TAF4: variants seen among roughly 807,000 people sequenced by gnomAD.
The protein encoded by TAF4 is TATA-box binding protein associated factor 4, also known as transcription initiation factor TFIID subunit 4.
A neutral mutation model predicts 90.3 loss-of-function variants in TAF4; 9 were observed. The observed-to-expected ratio is 0.10, with a 90% confidence interval of 0.06 to 0.17. The LOEUF (loss-of-function observed/expected upper bound fraction) is 0.17, where lower values mean the gene tolerates loss of function less well. Among genes scored for constraint, TAF4 ranks in the 10% least tolerant of loss-of-function variants. The pLI is 1.00. For missense variants in TAF4, 1,351 were observed against 1,370.7 expected (o/e 0.99, Z 0.23); for synonymous variants, 818 against 638.9 (o/e 1.28, Z -4.23).
intron 1 of TAF4, among the ~76,000 whole-genome samples, chr20:62,018,745 C>T (rs2055826638): frequency 2.6e-5 from 4 of 152,244 alleles, no homozygotes; most frequent in Non-Finnish European, 5.9e-5. Context: ...ACCGGCTCCA[C>T]GCACCCAGCC....
rs1418975791 is a variant in TAF4, at chr20:62,010,236, C to T, written c.1642-71G>A. On this transcript the variant is annotated intron_variant, in intron 3 of 14. Transcript: ENST00000252996. The surrounding 1 kb of genome is among the most constrained non-coding windows in gnomAD (Gnocchi z 4.5). ...GCTGACGAGGGGGAGACCAGCCTCA[C>T]GCCCAGCAAAAGAAAACAAGCCTCC... 23 of 1,604,374 alleles carry T rather than the reference C, an allele frequency of 1.4e-5. No homozygotes were observed. Among genetic ancestry groups the T allele is most frequent in the East Asian group, 4.5e-5 (2 of 44,756 alleles).
intron 1 of TAF4, among the ~76,000 whole-genome samples, chr20:62,055,019 C>T (rs377110627): frequency 1.4e-4 from 22 of 152,334 alleles, no homozygotes; most frequent in African/African-American, 5.3e-4. Flanking sequence ...GCCACAACCA[C>T]CCCCACATTC....
At chr20:62,064,319 C>T in intron 1 of TAF4, 132 bp downstream of exon 1, 1 of 1,088,862 alleles carries the variant, frequency 9.2e-7, no homozygotes, top group Non-Finnish European at 1.2e-6. Flanking sequence ...GTAGAGACTG[C>T]CCCTCGGCCT....
At chr20:62,049,050 T>C (rs562044086) in intron 1 of TAF4, among the ~76,000 whole-genome samples, 1 of 98,832 alleles carries the variant, frequency 1.0e-5, no homozygotes, top group East Asian at 2.9e-4. Flanking sequence ...CCCAGTCCTC[T>C]CCCCGCATGA....
chr20:62,040,378 C>T (rs2055956861), intron 1 of TAF4, among the ~76,000 whole-genome samples: 1 of 152,216 alleles, frequency 6.6e-6, no homozygotes, highest in Admixed American at 6.5e-5. Flanking sequence ...ATGTGAGGCT[C>T]CCACTACATA....
rs1463710741 is a variant in TAF4 at position 62,026,126 on chromosome 20, T to A, written c.1361-11419A>T. On this transcript the variant is annotated intron_variant, in intron 1 of 14. Coordinates refer to ENST00000252996, the MANE Select transcript of TAF4 (RefSeq NM_003185.4). ...TCTTCCTCCCAACGTCCTTCCCGAG[T>A]GAAAATAACTGCCAAGTTCACAGCT... Among the ~76,000 whole-genome samples, 5 of 151,868 alleles carry A rather than the reference T, an allele frequency of 3.3e-5. No individual in the cohort carries two copies. In the East Asian group the frequency reaches 9.7e-4, roughly 29 times the overall value.
At chr20:62,040,855 G>A (rs548763869) in intron 1 of TAF4, among the ~76,000 whole-genome samples, 16 of 152,280 alleles carry the variant, frequency 1.1e-4, no homozygotes, top group Admixed American at 7.8e-4. Context: ...AGAAAAGGAC[G>A]TCTACACGTA....
chr20:62,042,671 G>T (rs972476761), intron 1 of TAF4, among the ~76,000 whole-genome samples: 1 of 152,256 alleles, frequency 6.6e-6, no homozygotes, highest in Non-Finnish European at 1.5e-5. Context: ...TACCCAGAGC[G>T]GGTCAGGGAA....
rs368414720 is a variant in TAF4 at position 62,006,779 on chromosome 20, G to A, written c.1975-21C>T. 3.8e-5 allele frequency: 56 copies of A among 1,467,080 alleles called. No homozygotes were observed. Among genetic ancestry groups the A allele is most frequent in the Non-Finnish European group, 4.7e-5 (52 of 1,100,468 alleles). 90.9% of individuals were successfully genotyped at this position (1,467,080 alleles called of 1,614,324 possible). A position where few individuals can be genotyped will look rare whatever the true frequency, so the allele number is the denominator to read the frequency against. On this transcript the variant is annotated intron_variant, in intron 6 of 14. Transcript: ENST00000252996. The surrounding 1 kb of genome is among the most constrained non-coding windows in gnomAD (Gnocchi z 7.0). ...CTCCTCTGGGTGGAAAGACAGACAC[G>A]AGGGGTCAGGCGGCTGCTCATGCGT...
chr20:62,039,680 A>T (rs2055953000), intron 1 of TAF4, among the ~76,000 whole-genome samples: 1 of 152,254 alleles, frequency 6.6e-6, no homozygotes, highest in South Asian at 2.1e-4. Context: ...TTGCACTTTA[A>T]AACGCATGCA....
At chr20:62,046,849 GCTAGCC>G (rs925137964) in intron 1 of TAF4, among the ~76,000 whole-genome samples, 1 of 152,164 alleles carries the variant, frequency 6.6e-6, no homozygotes, top group African/African-American at 2.4e-5. Flanking sequence ...TCGTACACCT[GCTAGCC>G]ATTTGTGTAC....
At position 62,010,816 on chromosome 20, in the gene TAF4, A is replaced by C. The variant is rs2055773975; in HGVS notation, c.1642-651T>G. ...TGCTTTGCTAAGCAAATGAACAGCCAGACGCCAAAAGGTAGCTCAGACAAC... is the reference window on the plus strand; with the variant it reads ...TGCTTTGCTAAGCAAATGAACAGCCCGACGCCAAAAGGTAGCTCAGACAAC... On this transcript the variant is annotated intron_variant, in intron 3 of 14. Transcript: ENST00000252996. The surrounding 1 kb of genome is among the most constrained non-coding windows in gnomAD (Gnocchi z 4.5). 6.6e-6 allele frequency among the ~76,000 whole-genome samples: 1 copy of C among 152,270 alleles called. No homozygotes were observed. Among genetic ancestry groups the C allele is most frequent in the Non-Finnish European group, 1.5e-5 (1 of 68,050 alleles).
chr20:62,048,815 C>T (rs1172153295), intron 1 of TAF4, among the ~76,000 whole-genome samples: 2 of 149,456 alleles, frequency 1.3e-5, no homozygotes, highest in Non-Finnish European at 3.0e-5. Context: ...AAGCTCCGTA[C>T]ACCCCAAGCT....
chr20:62,041,780 A>C (rs1049615584), intron 1 of TAF4, among the ~76,000 whole-genome samples: 2 of 151,800 alleles, frequency 1.3e-5, no homozygotes, highest in African/African-American at 4.8e-5. Flanking sequence ...AAAAAAAAAA[A>C]ATTGAAACAT....
intron 1 of TAF4, among the ~76,000 whole-genome samples, chr20:62,051,159 A>G (rs2056025034): frequency 6.6e-6 from 1 of 152,156 alleles, no homozygotes; most frequent in Non-Finnish European, 1.5e-5. Context: ...GCAGCCCCGC[A>G]GGCGCTGGGG....
chr20:61,994,818 G>C (rs535189048), intron 14 of TAF4, among the ~76,000 whole-genome samples: 1 of 152,214 alleles, frequency 6.6e-6, no homozygotes, highest in Non-Finnish European at 1.5e-5. Flanking sequence ...GGCTGAGAGC[G>C]AAACAGAGAA....
intron 1 of TAF4, among the ~76,000 whole-genome samples, chr20:62,024,690 G>A (rs911417258): frequency 9.9e-5 from 15 of 152,110 alleles, no homozygotes; most frequent in Admixed American, 3.3e-4. Flanking sequence ...CCAACATGGC[G>A]AAACCCCATC....
chr20:62,027,471 T>C lies in TAF4; in HGVS notation c.1361-12764A>G, dbSNP rs558331170. Among the ~76,000 whole-genome samples, 5 of 152,266 alleles carry C rather than the reference T, an allele frequency of 3.3e-5. No homozygotes were observed. The East Asian group carries it at 9.7e-4, about 29-fold the overall frequency. ...ACGCAAGCTCCCTGGGCTCAGGGAT[T>C]AAATCTCTTAAGTTCACACAAATGA... On this transcript the variant is annotated intron_variant, in intron 1 of 14. Coordinates refer to ENST00000252996, the MANE Select transcript of TAF4 (RefSeq NM_003185.4).
intron 1 of TAF4, among the ~76,000 whole-genome samples, chr20:62,034,982 A>G (rs1770682600): frequency 6.6e-6 from 1 of 151,868 alleles, no homozygotes; most frequent in Admixed American, 6.6e-5. Flanking sequence ...CACCATGCCC[A>G]GCTAATTTTT....
Sources: allele counts gnomAD v4.1 joint callset (sites outside exome capture counted in the v4.1 genomes callset), GRCh38; gene constraint gnomAD v4.1.1; non-coding constraint Gnocchi (gnomAD v3.1); transcripts MANE v1.5; gene names NCBI Gene and HGNC (gene_info 2026-07-23, HGNC 2026-07-21).